KLHL32: variants seen among roughly 807,000 people sequenced by gnomAD.
KLHL32 encodes kelch-like protein 32.
A neutral mutation model predicts 64.8 loss-of-function variants in KLHL32; 35 were observed. That is an observed-to-expected ratio of 0.54 (90% CI 0.41 to 0.72). KLHL32 has a LOEUF of 0.72. KLHL32 is among the 30% of genes least tolerant of loss of function. KLHL32 has a pLI of 0.00. For missense variants in KLHL32, 589 were observed against 768.5 expected (o/e 0.77, Z 2.76); for synonymous variants, 259 against 281.0 (o/e 0.92, Z 0.78).
chr6:96,968,872 G>A (rs1774794827), intron 2 of KLHL32, among the ~76,000 whole-genome samples: 1 of 152,170 alleles, frequency 6.6e-6, no homozygotes, highest in African/African-American at 2.4e-5. Flanking sequence ...TGTATTTCAA[G>A]GATGGGTAGA....
chr6:97,006,375 A>G (rs1196212916), intron 3 of KLHL32, among the ~76,000 whole-genome samples: 1 of 151,996 alleles, frequency 6.6e-6, no homozygotes, highest in African/African-American at 2.4e-5. Context: ...ATTTTTCTCC[A>G]TTTCTTTACT....
chr6:97,091,572 C>G (rs1288392911), intron 6 of KLHL32, among the ~76,000 whole-genome samples: 2 of 152,154 alleles, frequency 1.3e-5, no homozygotes. Context: ...CAATGCCTTC[C>G]CAGTGGGGAC....
chr6:97,114,800 A>T (rs184440650), intron 7 of KLHL32, among the ~76,000 whole-genome samples: 5 of 152,210 alleles, frequency 3.3e-5, no homozygotes, highest in Admixed American at 3.3e-4. Flanking sequence ...TCAGCTCTTG[A>T]TTATTCATGG....
At chr6:97,119,329 CAGAG>C (rs1025759149) in intron 7 of KLHL32, among the ~76,000 whole-genome samples, 7 of 152,124 alleles carry the variant, frequency 4.6e-5, no homozygotes, top group African/African-American at 1.4e-4. Flanking sequence ...TTCTCAGACT[CAGAG>C]AGAAGATCTT....
upstream of KLHL32, among the ~76,000 whole-genome samples, chr6:96,919,695 T>C (rs753437858): frequency 6.6e-6 from 1 of 152,164 alleles, no homozygotes; most frequent in Admixed American, 6.5e-5. Context: ...AATTTACTAA[T>C]GTATTTTAAT....
chr6:97,127,385 A>C lies in KLHL32; in HGVS notation c.1355-19A>C. On this transcript the variant is annotated intron_variant, in intron 7 of 10. Coordinates refer to ENST00000369261, the MANE Select transcript of KLHL32 (RefSeq NM_052904.4). ...TTTTTTATTCATGAAAAGCTCTAAC[A>C]CATGTTAATCCATTACAGGTGGAGT... 1 of 1,603,466 alleles carries C rather than the reference A, an allele frequency of 6.2e-7. No homozygotes were observed. The highest frequency in any genetic ancestry group is 2.2e-5 in the East Asian group (1 of 44,790).
chr6:96,945,886 G>A (rs933452998), intron 1 of KLHL32, among the ~76,000 whole-genome samples: 5 of 152,150 alleles, frequency 3.3e-5, no homozygotes, highest in African/African-American at 1.2e-4. Flanking sequence ...AGGCTGACAG[G>A]GTGATTATGG....
At chr6:97,002,325 A>G (rs1169073000) in intron 3 of KLHL32, among the ~76,000 whole-genome samples, 2 of 152,222 alleles carry the variant, frequency 1.3e-5, no homozygotes. Context: ...CAATTCCTTG[A>G]CTTGCTTCTG....
intron 3 of KLHL32, among the ~76,000 whole-genome samples, chr6:97,036,650 A>G (rs1784333576): frequency 6.6e-6 from 1 of 152,180 alleles, no homozygotes. Flanking sequence ...GTTGTGAGGA[A>G]TGTGCAGGGG....
chr6:97,098,226 C>T (rs966518676), intron 6 of KLHL32, among the ~76,000 whole-genome samples: 1 of 151,894 alleles, frequency 6.6e-6, no homozygotes, highest in Non-Finnish European at 1.5e-5. Flanking sequence ...TCATGCATAC[C>T]CTTTAAAAAA....
intron 1 of KLHL32, among the ~76,000 whole-genome samples, chr6:96,948,278 G>A (rs1287406888): frequency 6.6e-6 from 1 of 152,054 alleles, no homozygotes; most frequent in Non-Finnish European, 1.5e-5. Flanking sequence ...GTGATCTTGG[G>A]AAAGTTATTT....
At chr6:97,131,723 T>C (rs548320816) in intron 9 of KLHL32, among the ~76,000 whole-genome samples, 74 of 152,294 alleles carry the variant, frequency 4.9e-4, no homozygotes, top group African/African-American at 1.7e-3. Context: ...GAGTGGGCAC[T>C]CAATCCCTTG....
chr6:97,003,779 T>A (rs1779336367), intron 3 of KLHL32, among the ~76,000 whole-genome samples: 1 of 152,232 alleles, frequency 6.6e-6, no homozygotes, highest in East Asian at 1.9e-4. Context: ...TTTGTTGACT[T>A]TAACAAAGAT....
chr6:96,976,254 C>A, intron 3 of KLHL32, 77 bp downstream of exon 3: 3 of 1,347,164 alleles, frequency 2.2e-6, no homozygotes, highest in Non-Finnish European at 3.0e-6. Flanking sequence ...GTCACTAAAC[C>A]AGGAGCCAAT....
chr6:96,970,414 C>T (rs1481677744), intron 2 of KLHL32, among the ~76,000 whole-genome samples: 7 of 152,206 alleles, frequency 4.6e-5, no homozygotes, highest in Non-Finnish European at 1.0e-4. Context: ...GCCACAGGAT[C>T]GTAGCATTTG....
Position 97,081,550 on chromosome 6 carries a change from C to A in KLHL32, c.412-3576C>A, listed in dbSNP as rs185133136. Among the ~76,000 whole-genome samples, 308 of 152,268 alleles carry A rather than the reference C, an allele frequency of 2.0e-3. 3 individuals are homozygous for A. Among genetic ancestry groups the A allele is most frequent in the East Asian group, 1.5e-3 (8 of 5,184 alleles). ...TTGTTAATATACATCCCCATCCCAC[C>A]CTTTGCCAAGTGAACAAAGGATGCT... On this transcript the variant is annotated intron_variant, in intron 5 of 10. Coordinates refer to ENST00000369261, the MANE Select transcript of KLHL32 (RefSeq NM_052904.4).
intron 3 of KLHL32, among the ~76,000 whole-genome samples, chr6:97,008,550 G>A (rs982738178): frequency 1.3e-4 from 19 of 151,936 alleles, no homozygotes; most frequent in African/African-American, 4.1e-4. Context: ...GCTGTGCACT[G>A]GCTGGAGTCC....
chr6:97,074,582 T>C (rs972110028), intron 5 of KLHL32, among the ~76,000 whole-genome samples: 6 of 150,266 alleles, frequency 4.0e-5, no homozygotes, highest in African/African-American at 7.3e-5. Context: ...ATTAAGACAG[T>C]CTGTAGGTAA....
In KLHL32 at chr6:97,085,118, G is replaced by T; in HGVS notation, c.412-8G>T. ...GATCTTTTTTCATTTTTATTTTTTG[G>T]CACCCAGGAATTAAATAGCTTTAAT... On this transcript the variant is annotated splice_region_variant and splice_polypyrimidine_tract_variant and intron_variant, in intron 5 of 10. Transcript: ENST00000369261. 1 of 1,599,908 alleles carries T rather than the reference G, an allele frequency of 6.3e-7. No individual in the cohort carries two copies. Among genetic ancestry groups the T allele is most frequent in the South Asian group, 1.1e-5 (1 of 88,920 alleles).
Sources: gnomAD v4.1 joint callset for allele counts (sites outside exome capture counted in the v4.1 genomes callset) on GRCh38, gnomAD v4.1.1 for gene constraint, MANE v1.5 for transcripts, NCBI Gene and HGNC (gene_info 2026-07-23, HGNC 2026-07-21) for gene names.